The following LARGE1 variants were observed in gnomAD, a reference collection of about 807,000 sequenced individuals.
The protein encoded by LARGE1 is LARGE xylosyl- and glucuronyltransferase 1.
Under a neutral mutation model 87.6 loss-of-function variants are expected in LARGE1, and 43 were observed. That is an observed-to-expected ratio of 0.49 (90% CI 0.38 to 0.63). The LOEUF (loss-of-function observed/expected upper bound fraction) is 0.63, where lower values mean the gene tolerates loss of function less well. Among genes scored for constraint, LARGE1 ranks in the 30% least tolerant of loss-of-function variants. The pLI is 0.00. For synonymous variants in LARGE1, 434 were observed against 394.6 expected (o/e 1.10, Z -1.18); for missense variants, 802 against 1,000.2 (o/e 0.80, Z 2.67).
chr22:33,624,308 C>T (rs1277413476), intron 4 of LARGE1, among the ~76,000 whole-genome samples: 3 of 152,126 alleles, frequency 2.0e-5, no homozygotes, highest in Non-Finnish European at 4.4e-5. Flanking sequence ...AGAAAGCCCA[C>T]CTTCTGCTAC....
chr22:33,476,884 T>G (rs532159343), intron 6 of LARGE1, among the ~76,000 whole-genome samples: 66 of 152,250 alleles, frequency 4.3e-4, no homozygotes, highest in African/African-American at 1.6e-3. Flanking sequence ...GCACGCAACA[T>G]GCAGCTTCGG....
In LARGE1 at chr22:33,829,347, T is replaced by A. The variant is rs186920976; in HGVS notation, c.-82-67789A>T. On this transcript the variant is annotated intron_variant, in intron 1 of 14. Coordinates refer to ENST00000397394, the MANE Select transcript of LARGE1 (RefSeq NM_133642.5). The stretch of plus-strand genomic sequence containing the variant: ...TTCTAAAACAGCATCATCCCACCCT[T>A]CACGCATGGCCCAGAGAGCCTCTGA... Among the ~76,000 whole-genome samples, 197 of 152,100 alleles carry A rather than the reference T, an allele frequency of 1.3e-3. 1 individual carries two copies. The Middle Eastern group carries it at 0.017, about 13-fold the overall frequency.
At chr22:33,707,344 C>T (rs915338960) in intron 2 of LARGE1, among the ~76,000 whole-genome samples, 2 of 152,242 alleles carry the variant, frequency 1.3e-5, no homozygotes, top group African/African-American at 2.4e-5. Flanking sequence ...GAAAAACATT[C>T]AACCTCCCTA....
intron 3 of LARGE1, among the ~76,000 whole-genome samples, chr22:33,627,549 G>A (rs1224267140): frequency 6.6e-6 from 1 of 152,174 alleles, no homozygotes; most frequent in Admixed American, 6.5e-5. Context: ...TTGCTCCCAT[G>A]ACACGGGCTT....
chr22:33,219,308 C>T (rs1449236261), intron 11 of LARGE1, among the ~76,000 whole-genome samples: 1 of 152,196 alleles, frequency 6.6e-6, no homozygotes, highest in African/African-American at 2.4e-5. Flanking sequence ...CAGTGTCTCT[C>T]ATCGTGTCAG....
intron 11 of LARGE1, among the ~76,000 whole-genome samples, chr22:33,230,399 T>C (rs1925951188): frequency 6.6e-6 from 1 of 152,164 alleles, no homozygotes; most frequent in African/African-American, 2.4e-5. Flanking sequence ...GGTGAGACAT[T>C]GCTTTGGTGA....
intron 6 of LARGE1, among the ~76,000 whole-genome samples, chr22:33,461,651 A>AT (rs2068386673): frequency 6.6e-6 from 1 of 150,896 alleles, no homozygotes; most frequent in Admixed American, 6.6e-5. Flanking sequence ...TTAAAGTATA[A>AT]TTTAAAAAAA....
At chr22:33,745,489 A>G (rs1282768474) in intron 2 of LARGE1, among the ~76,000 whole-genome samples, 1 of 152,124 alleles carries the variant, frequency 6.6e-6, no homozygotes, top group Non-Finnish European at 1.5e-5. Context: ...TGACAATCTG[A>G]GCACCCAGAA....
At chr22:33,147,842 T>C in the LARGE1 span, among the ~76,000 whole-genome samples, 1 of 152,188 alleles carries the variant, frequency 6.6e-6, no homozygotes, top group Non-Finnish European at 1.5e-5. Flanking sequence ...CAGAGAAACA[T>C]CATCATCCTA....
intron 6 of LARGE1, among the ~76,000 whole-genome samples, chr22:33,494,589 G>T (rs907678767): frequency 7.2e-5 from 11 of 152,242 alleles, no homozygotes; most frequent in Middle Eastern, 3.4e-3. Context: ...TATTTTAAAT[G>T]GTTCCAAGCT....
chr22:33,501,531 G>GC (rs1197090098), intron 6 of LARGE1, among the ~76,000 whole-genome samples: 1 of 152,186 alleles, frequency 6.6e-6, no homozygotes, highest in Middle Eastern at 3.2e-3. Flanking sequence ...CCCTGAAACT[G>GC]CCCACTGGCA....
At chr22:33,544,457 C>A (rs2077297283) in intron 6 of LARGE1, among the ~76,000 whole-genome samples, 1 of 152,136 alleles carries the variant, frequency 6.6e-6, no homozygotes, top group Admixed American at 6.6e-5. Flanking sequence ...GAGGCTGAGG[C>A]GGGCAGATCC....
chr22:33,067,977 C>CAA, the LARGE1 span, among the ~76,000 whole-genome samples: 5 of 136,566 alleles, frequency 3.7e-5, no homozygotes, highest in African/African-American at 1.1e-4. Context: ...GAGACTGTCT[C>CAA]AAAAAAAAAA....
At chr22:33,544,457 C>T (rs2077297283) in intron 6 of LARGE1, among the ~76,000 whole-genome samples, 1 of 152,018 alleles carries the variant, frequency 6.6e-6, no homozygotes, top group South Asian at 2.1e-4. Context: ...GAGGCTGAGG[C>T]GGGCAGATCC....
In LARGE1 at chr22:33,434,317, T is replaced by G. The variant is rs1276427394; in HGVS notation, c.788-2052A>C. Among the ~76,000 whole-genome samples the G allele has an allele frequency of 2.0e-5, 3 of 152,344 alleles. No individual in the cohort carries two copies. In the East Asian group the frequency reaches 5.8e-4, roughly 29 times the overall value. ...TATCCCAAGGGTCTTTTGTTTTGTT[T>G]TTGAGACGTAGTCTCGCTCTGTTGC... On this transcript the variant is annotated intron_variant, in intron 6 of 14. Transcript: ENST00000397394.
At chr22:33,230,875 G>T (rs1310298137) in intron 11 of LARGE1, among the ~76,000 whole-genome samples, 2 of 152,208 alleles carry the variant, frequency 1.3e-5, no homozygotes, top group Non-Finnish European at 2.9e-5. Context: ...AAGAGAGTAG[G>T]TGTCCAACTC....
rs1455487254 is a variant in LARGE1 at position 33,673,894 on chromosome 22, G to A, written c.107-23226C>T. On this transcript the variant is annotated intron_variant, in intron 2 of 14. Coordinates refer to ENST00000397394, the MANE Select transcript of LARGE1 (RefSeq NM_133642.5). ...TTTAGTAGATACGGGGTTTCGCCAT[G>A]TTGGCCAGGCTGGTCTTGAACTCCT... Among the ~76,000 whole-genome samples the A allele has an allele frequency of 4.0e-5, 3 of 74,832 alleles. 1 individual carries two copies. Among genetic ancestry groups the A allele is most frequent in the Non-Finnish European group, 8.3e-5 (3 of 36,044 alleles). 49.1% of individuals were successfully genotyped at this position (74,832 alleles called of 152,430 possible). A position where few individuals can be genotyped will look rare whatever the true frequency, so the allele number is the denominator to read the frequency against.
At chr22:33,741,114 A>G (rs1411636278) in intron 2 of LARGE1, among the ~76,000 whole-genome samples, 1 of 152,246 alleles carries the variant, frequency 6.6e-6, no homozygotes, top group Non-Finnish European at 1.5e-5. Flanking sequence ...CTTTGTCAAA[A>G]TATGTCTGCT....
chr22:33,699,386 G>A (rs530071614), intron 2 of LARGE1, among the ~76,000 whole-genome samples: 40 of 152,210 alleles, frequency 2.6e-4, no homozygotes, highest in Non-Finnish European at 5.0e-4. Flanking sequence ...GTTGTGGGAA[G>A]AGGCAGGAAG....
Sources: gnomAD v4.1 joint callset for allele counts (sites outside exome capture counted in the v4.1 genomes callset) on GRCh38, gnomAD v4.1.1 for gene constraint, MANE v1.5 for transcripts, NCBI Gene and HGNC (gene_info 2026-07-23, HGNC 2026-07-21) for gene names.